MICAL3: variants seen among roughly 807,000 people sequenced by gnomAD.
MICAL3 encodes [F-actin]-monooxygenase MICAL3.
Under a neutral mutation model 207.4 loss-of-function variants are expected in MICAL3, and 62 were observed. That is an observed-to-expected ratio of 0.30 (90% CI 0.24 to 0.37). MICAL3 has a LOEUF of 0.37. Ranked by LOEUF, MICAL3 falls within the 10% of genes least tolerant of loss-of-function variation. The pLI, the probability that MICAL3 is intolerant of heterozygous loss-of-function variation, is 1.00. For missense variants in MICAL3, 2,368 were observed against 2,635.6 expected (o/e 0.90, Z 2.22); for synonymous variants, 1,077 against 1,069.3 (o/e 1.01, Z -0.14).
intron 13 of MICAL3, 73 bp downstream of exon 13, chr22:17,888,961 C>T (rs1284055867): frequency 5.6e-6 from 6 of 1,075,098 alleles, no homozygotes; most frequent in East Asian, 5.1e-5. Flanking sequence ...GCGGGACAGT[C>T]GGAAGGAAGG....
chr22:17,874,792 C>T (rs1176929089), intron 16 of MICAL3, among the ~76,000 whole-genome samples: 1 of 152,182 alleles, frequency 6.6e-6, no homozygotes, highest in Non-Finnish European at 1.5e-5. Context: ...GCAAAGAGAC[C>T]TTCCAATCTC....
intron 8 of MICAL3, 151 bp downstream of exon 8, chr22:17,896,573 T>C: frequency 1.2e-6 from 1 of 858,332 alleles, no homozygotes; most frequent in Non-Finnish European, 1.8e-6. Flanking sequence ...CAGTGGCCTG[T>C]AGCCCTCCTC....
At chr22:18,016,467 G>T (rs577347256) in intron 1 of MICAL3, among the ~76,000 whole-genome samples, 4 of 152,174 alleles carry the variant, frequency 2.6e-5, no homozygotes, top group Admixed American at 2.6e-4. Flanking sequence ...TCACTGAATG[G>T]TTCTATGATC....
chr22:17,829,686 G>A (rs550125651), intron 21 of MICAL3, among the ~76,000 whole-genome samples: 1 of 152,326 alleles, frequency 6.6e-6, no homozygotes, highest in African/African-American at 2.4e-5. Context: ...GCACAAGCCA[G>A]CATTTCCTCC....
rs1368933407 is a variant in MICAL3 at position 17,790,714 on chromosome 22, G to A, written c.*18C>T. 3 of 1,571,166 alleles carry A rather than the reference G, an allele frequency of 1.9e-6. No individual in the cohort carries two copies. Among genetic ancestry groups the A allele is most frequent in the South Asian group, 1.2e-5 (1 of 86,372 alleles). ...GGCCAGGCGGATGCCAACAGAAAAT[G>A]GAGCGTTGGGTGGGAGCTCAGGACC... On this transcript the variant is annotated 3_prime_UTR_variant, in exon 32 of 32. Coordinates refer to ENST00000441493, the MANE Select transcript of MICAL3 (RefSeq NM_015241.3).
intron 16 of MICAL3, among the ~76,000 whole-genome samples, chr22:17,879,993 C>T (rs552249502): frequency 2.6e-5 from 4 of 152,280 alleles, no homozygotes; most frequent in Non-Finnish European, 5.9e-5. Flanking sequence ...CTTGCTCATC[C>T]GAGGAGCCAG....
intron 1 of MICAL3, among the ~76,000 whole-genome samples, chr22:17,968,590 C>T (rs944399951): frequency 2.6e-5 from 4 of 152,110 alleles, no homozygotes; most frequent in Non-Finnish European, 4.4e-5. Context: ...AAACAACCAA[C>T]CTGAAATGCC....
intron 1 of MICAL3, among the ~76,000 whole-genome samples, chr22:17,912,873 A>T (rs1448615181): frequency 6.6e-6 from 1 of 152,192 alleles, no homozygotes; most frequent in Non-Finnish European, 1.5e-5. Flanking sequence ...TGGATAGAAG[A>T]GGCAAAAGTG....
rs564704481 is a variant in MICAL3, at chr22:17,988,494, G to A, written c.-75+35787C>T. Among the ~76,000 whole-genome samples the A allele has an allele frequency of 3.3e-5, 5 of 152,214 alleles. No individual in the cohort carries two copies. The East Asian group carries it at 9.7e-4, about 29-fold the overall frequency. ...TCCTGAGACGGAGTCTCACTCTGTC[G>A]CCCAGGCTGGAGTGCAGTGACGCGA... is the stretch of plus-strand genomic sequence containing the variant. On this transcript the variant is annotated intron_variant, in intron 1 of 31. Coordinates refer to ENST00000441493, the MANE Select transcript of MICAL3 (RefSeq NM_015241.3).
At chr22:17,955,365 G>A (rs927990700) in intron 1 of MICAL3, among the ~76,000 whole-genome samples, 1 of 152,130 alleles carries the variant, frequency 6.6e-6, no homozygotes, top group Non-Finnish European at 1.5e-5. Context: ...CCCAACACCC[G>A]CTCTTACCCA....
chr22:17,803,859 A>G, intron 29 of MICAL3: 2 of 985,726 alleles, frequency 2.0e-6, no homozygotes, highest in Non-Finnish European at 2.4e-6. Context: ...TCTCCCCAAT[A>G]GTCTACAACA....
chr22:17,833,523 C>CA (rs1923038853), intron 20 of MICAL3, among the ~76,000 whole-genome samples: 1 of 152,240 alleles, frequency 6.6e-6, no homozygotes, highest in South Asian at 2.1e-4. Flanking sequence ...CACTGAGGGG[C>CA]ACTGCCAGGG....
chr22:17,817,788 G>C lies in MICAL3; in HGVS notation c.4873C>G (p.Leu1625Val), dbSNP rs11541677. 8 of 1,604,230 alleles carry C rather than the reference G, an allele frequency of 5.0e-6. No homozygotes were observed. In the South Asian group the frequency reaches 7.8e-5, roughly 16 times the overall value. The stretch of plus-strand genomic sequence containing the variant: ...CGGGGCCTGGGGGCGCCTGAGGCCA[G>C]CTCCATCTGCTGCATCCTGCTCAGC... ...RQLSRMQQME[L>V]ASGAPRPRKA... The change falls in exon 26 of 32, where the codon CTG becomes GTG. Residue 1625 changes from leucine to valine, a missense_variant. Leu to Val is a conservative substitution (Grantham distance 32, BLOSUM62 1). Coordinates refer to ENST00000441493, the MANE Select transcript of MICAL3 (RefSeq NM_015241.3).
At position 17,967,486 on chromosome 22, in the gene MICAL3, A is replaced by ACACACACACACACC. The variant is rs147100307; in HGVS notation, c.-75+56794_-75+56795insGGTGTGTGTGTGTG. On this transcript the variant is annotated intron_variant, in intron 1 of 31. Coordinates refer to ENST00000441493, the MANE Select transcript of MICAL3 (RefSeq NM_015241.3). ...CAAACACACACACACACACACACACACACACACCCACACACACCCACTCAT... is the reference window on the plus strand; with the variant it reads ...CAAACACACACACACACACACACACACACACACACACACCCACACACCCACACACACCCACTCAT... 3.5e-3 allele frequency among the ~76,000 whole-genome samples: 503 copies of ACACACACACACACC among 145,702 alleles called. 1 individual carries two copies. Among genetic ancestry groups the ACACACACACACACC allele is most frequent in the African/African-American group, 0.011 (450 of 39,412 alleles).
At chr22:17,976,973 A>AT (rs1435935175) in intron 1 of MICAL3, among the ~76,000 whole-genome samples, 4 of 151,846 alleles carry the variant, frequency 2.6e-5, no homozygotes, top group African/African-American at 9.7e-5. Flanking sequence ...TGCCCGGCTA[A>AT]TTTTTTGTAT....
Position 17,790,809 on chromosome 22 carries a change from G to A in MICAL3, c.5932C>T (p.Arg1978Trp), listed in dbSNP as rs1351196362. 3 of 1,613,472 alleles carry A rather than the reference G, an allele frequency of 1.9e-6. No homozygotes were observed. The highest frequency in any genetic ancestry group is 1.7e-6 in the Non-Finnish European group (2 of 1,179,816). The change falls in exon 32 of 32, where the codon CGG (arginine) becomes TGG (tryptophan). Residue 1978 changes from arginine to tryptophan, a missense_variant. Arg to Trp is a moderately radical substitution (Grantham distance 101). This residue lies in a region of MICAL3 where 1,770 missense variants were observed against 1,863.2 expected (regional missense o/e 0.95). Coordinates refer to ENST00000441493, the MANE Select transcript of MICAL3 (RefSeq NM_015241.3). ...TTGTCCTCCTCTCTCTCCCGGAGCC[G>A]CTGCTCCTCCAGCAGCGCCACCAGT... ...DSLVALLEEQ[R>W]LREREEDKDL...
chr22:17,907,495 A>G (rs998213958), intron 1 of MICAL3, among the ~76,000 whole-genome samples: 12 of 152,212 alleles, frequency 7.9e-5, no homozygotes, highest in Non-Finnish European at 1.6e-4. Flanking sequence ...GTGAGCTCCA[A>G]GTGGAGGTGC....
At chr22:17,910,688 T>A (rs184298565) in intron 1 of MICAL3, among the ~76,000 whole-genome samples, 1 of 152,314 alleles carries the variant, frequency 6.6e-6, no homozygotes, top group East Asian at 1.9e-4. Context: ...CAAAGACTCC[T>A]CCAGAGTGTG....
intron 25 of MICAL3, 125 bp downstream of exon 25, chr22:17,821,302 C>G (rs913651286): frequency 8.0e-6 from 6 of 746,520 alleles, no homozygotes; most frequent in African/African-American, 3.8e-5. Context: ...ATGAGGAGGC[C>G]AGCAGGCTAT....
Sources: allele counts gnomAD v4.1 joint callset (sites outside exome capture counted in the v4.1 genomes callset), GRCh38; gene constraint gnomAD v4.1.1; regional missense constraint gnomAD v4.1.1; transcripts MANE v1.5; gene names NCBI Gene and HGNC (gene_info 2026-07-23, HGNC 2026-07-21).